CHIA: variants seen among roughly 807,000 people sequenced by gnomAD.
CHIA encodes chitinase acidic, also known as acidic mammalian chitinase.
In CHIA, 47 loss-of-function variants were observed where a neutral mutation model predicts 53.5. The ratio of observed to expected loss-of-function variants is 0.88; its 90% CI spans 0.70 to 1.12. CHIA has a LOEUF of 1.12. CHIA is among the 50% of genes most tolerant of loss of function. The pLI, the probability that CHIA is intolerant of heterozygous loss-of-function variation, is 0.00. For missense variants in CHIA, 652 were observed against 592.2 expected (o/e 1.10, Z -1.05); for synonymous variants, 268 against 222.2 (o/e 1.21, Z -1.83).
At chr1:111,299,690 G>A (rs988369937) in intron 1 of CHIA, among the ~76,000 whole-genome samples, 1 of 152,210 alleles carries the variant, frequency 6.6e-6, no homozygotes, top group Admixed American at 6.5e-5. Context: ...AGACAGGGAT[G>A]CCCTCTCTCA....
chr1:111,307,592 T>C (rs1648285264), intron 1 of CHIA, among the ~76,000 whole-genome samples: 1 of 152,040 alleles, frequency 6.6e-6, no homozygotes, highest in Admixed American at 6.6e-5. Context: ...TAGTCAAAGT[T>C]AATGTTATTT....
intron 2 of CHIA, among the ~76,000 whole-genome samples, chr1:111,310,796 C>G (rs1648602867): frequency 6.6e-6 from 1 of 152,124 alleles, no homozygotes; most frequent in African/African-American, 2.4e-5. Flanking sequence ...ATTCATTTTT[C>G]TTTACTCTTC....
intron 2 of CHIA, 87 bp from the exon 3 acceptor site, chr1:111,311,602 A>G: frequency 6.7e-7 from 1 of 1,494,080 alleles, no homozygotes. Context: ...AATTTATGGC[A>G]AATTGGAAGG....
intron 1 of CHIA, among the ~76,000 whole-genome samples, chr1:111,292,346 A>G (rs1024216256): frequency 6.6e-6 from 1 of 152,192 alleles, no homozygotes; most frequent in Non-Finnish European, 1.5e-5. Context: ...AGGAGAACAA[A>G]AATTGAAATA....
Position 111,306,354 on chromosome 1 carries a change from G to T in CHIA, c.-68-4046G>T, listed in dbSNP as rs148068111. 2.2e-4 allele frequency among the ~76,000 whole-genome samples: 34 copies of T among 152,260 alleles called. No individual in the cohort carries two copies. In the East Asian group the frequency reaches 6.4e-3, roughly 28 times the overall value. On this transcript the variant is annotated intron_variant, in intron 1 of 11. Transcript: ENST00000369740. ...GGTAGAAATGGCATTTCAAATTAGC[G>T]TGGAAAAGATGGGTTATTAAAATTA... is the stretch of plus-strand genomic sequence containing the variant.
rs749753951 is a variant in CHIA at position 111,320,404 on chromosome 1, C to T, written c.1369C>T (p.Gln457Ter). ...GCACTGCGTGAATGGAGTCACGTAC[C>T]AGCAGAACTGCCAGGCCGGGCTTGT... ...FWHCVNGVTY[Q>*]QNCQAGLVFD... The change falls in exon 12 of 12, where the codon CAG (glutamine) becomes TAG (stop). Residue 457 changes from glutamine to a stop codon, truncating the protein, a stop_gained. Coordinates refer to ENST00000369740, the MANE Select transcript of CHIA (RefSeq NM_201653.4). LOFTEE classifies it high-confidence loss of function. 1 of 1,614,062 alleles carries T rather than the reference C, an allele frequency of 6.2e-7. No homozygotes were observed. The highest frequency in any genetic ancestry group is 8.5e-7 in the Non-Finnish European group (1 of 1,180,034).
Position 111,320,275 on chromosome 1 carries a change from G to C in CHIA, c.1240G>C (p.Gly414Arg). The C allele has an allele frequency of 3.1e-6, 5 of 1,614,220 alleles. No individual in the cohort carries two copies. Among genetic ancestry groups the C allele is most frequent in the Non-Finnish European group, 2.5e-6 (3 of 1,180,026 alleles). The change falls in exon 12 of 12, where the codon GGG becomes CGG. Residue 414 changes from glycine to arginine, a missense_variant. Coordinates refer to ENST00000369740, the MANE Select transcript of CHIA (RefSeq NM_201653.4). ...TGCTGCTCCCAGTGGCAGCGGGAAC[G>C]GGAGCGGGAGTAGCAGCTCTGGAGG... ...ITAAPSGSGN[G>R]SGSSSSGGSS...
At chr1:111,314,896 T>C (rs954367270) in intron 5 of CHIA, 20 of 411,812 alleles carry the variant, frequency 4.9e-5, no homozygotes, top group Non-Finnish European at 8.2e-5. Context: ...GACAGTGTTA[T>C]AATGCTTCCC....
chr1:111,315,811 T>C (rs1350830529), intron 6 of CHIA: 7 of 458,720 alleles, frequency 1.5e-5, no homozygotes, highest in African/African-American at 8.0e-5. Flanking sequence ...TAACTTCCTC[T>C]GCAGTTTGGC....
chr1:111,297,035 A>G (rs1219914508), intron 1 of CHIA, among the ~76,000 whole-genome samples: 1 of 152,226 alleles, frequency 6.6e-6, no homozygotes, highest in Non-Finnish European at 1.5e-5. Flanking sequence ...AAAAAGAGTA[A>G]AATGAAACAA....
intron 1 of CHIA, among the ~76,000 whole-genome samples, chr1:111,308,892 T>C (rs569307536): frequency 6.6e-6 from 1 of 152,332 alleles, no homozygotes; most frequent in South Asian, 2.1e-4. Context: ...TTTGATTGCT[T>C]ACAAAATTAA....
Position 111,312,359 on chromosome 1 carries a change from T to C in CHIA, c.225T>C (p.Thr75=). The change falls in exon 4 of 12, where the codon ACT becomes ACC. Residue 75 remains threonine, a synonymous_variant. Coordinates refer to ENST00000369740, the MANE Select transcript of CHIA (RefSeq NM_201653.4). Reference sequence around the variant, plus strand: ...CCACCATCGAATGGAATGATGTGACTCTCTACCAAGCTTTCAATGGCCTGA... The same window carrying C: ...CCACCATCGAATGGAATGATGTGACCCTCTACCAAGCTTTCAATGGCCTGA... The part of the protein sequence containing the change: ...EITTIEWNDV[T]LYQAFNGLKN... 6.2e-7 allele frequency: 1 copy of C among 1,614,116 alleles called. No homozygotes were observed.
intron 1 of CHIA, among the ~76,000 whole-genome samples, chr1:111,293,590 A>T (rs766358434): frequency 1.1e-4 from 16 of 152,230 alleles, no homozygotes; most frequent in South Asian, 2.1e-4. Flanking sequence ...TAAAATATTC[A>T]TGAAGTCCAA....
intron 1 of CHIA, among the ~76,000 whole-genome samples, chr1:111,297,724 A>G (rs1399237828): frequency 6.6e-6 from 1 of 152,048 alleles, no homozygotes; most frequent in Non-Finnish European, 1.5e-5. Flanking sequence ...CACACATAAC[A>G]TACTAACATT....
chr1:111,307,066 A>G (rs1206033717), intron 1 of CHIA, among the ~76,000 whole-genome samples: 1 of 152,240 alleles, frequency 6.6e-6, no homozygotes, highest in Non-Finnish European at 1.5e-5. Flanking sequence ...TTTAATATGC[A>G]TGTGTTATTT....
intron 8 of CHIA, 111 bp from the exon 9 acceptor site, chr1:111,318,382 C>A: frequency 1.0e-6 from 1 of 980,706 alleles, no homozygotes; most frequent in Non-Finnish European, 1.5e-6. Flanking sequence ...AAATACTAAT[C>A]CATCTGGAAT....
At chr1:111,309,575 G>A (rs1267771400) in intron 1 of CHIA, among the ~76,000 whole-genome samples, 1 of 152,190 alleles carries the variant, frequency 6.6e-6, no homozygotes, top group African/African-American at 2.4e-5. Flanking sequence ...TTACAGGCAA[G>A]GAGTGGAGGG....
chr1:111,296,520 G>T (rs746952743), intron 1 of CHIA, among the ~76,000 whole-genome samples: 24 of 152,202 alleles, frequency 1.6e-4, no homozygotes, highest in Non-Finnish European at 3.1e-4. Context: ...AAAAGGAATA[G>T]CTTCCACATC....
chr1:111,318,800 TA>T (rs34191424), intron 9 of CHIA, 122 bp downstream of exon 9: 1 of 1,078,048 alleles, frequency 9.3e-7, no homozygotes, highest in African/African-American at 1.6e-5. Flanking sequence ...CACAGCTGCT[TA>T]AAGTGTTTAA....
Sources: gnomAD v4.1 joint callset for allele counts (sites outside exome capture counted in the v4.1 genomes callset) on GRCh38, gnomAD v4.1.1 for gene constraint, MANE v1.5 for transcripts, NCBI Gene and HGNC (gene_info 2026-07-23, HGNC 2026-07-21) for gene names.